ARHGAP15: variants seen among roughly 807,000 people sequenced by gnomAD.
ARHGAP15 encodes the protein rho GTPase-activating protein 15.
In ARHGAP15, 51 loss-of-function variants were observed where a neutral mutation model predicts 63.7. The ratio of observed to expected loss-of-function variants is 0.80; its 90% CI spans 0.64 to 1.01. ARHGAP15 has a LOEUF of 1.01. Ranked by LOEUF, ARHGAP15 falls within the 50% of genes least tolerant of loss-of-function variation. The pLI, the probability that ARHGAP15 is intolerant of heterozygous loss-of-function variation, is 0.00. For synonymous variants in ARHGAP15, 191 were observed against 193.8 expected (o/e 0.99, Z 0.12); for missense variants, 560 against 564.6 (o/e 0.99, Z 0.08).
chr2:143,421,766 G>GTATA lies in ARHGAP15; in HGVS notation c.475-13803_475-13800dup, dbSNP rs59677710. ...ATATAAATGAACATATGCACATGGT[G>GTATA]TATATATATATATATATATATATAT... is the stretch of plus-strand genomic sequence containing the variant. On this transcript the variant is annotated intron_variant, in intron 6 of 13. Transcript: ENST00000295095. 3.6e-3 allele frequency among the ~76,000 whole-genome samples: 397 copies of GTATA among 108,844 alleles called. 3 individuals carry two copies. The highest frequency in any genetic ancestry group is 5.5e-3 in the South Asian group (16 of 2,918). 71.4% of individuals were successfully genotyped at this position (108,844 alleles called of 152,430 possible).
intron 13 of ARHGAP15, among the ~76,000 whole-genome samples, chr2:143,754,878 T>A (rs1020813573): frequency 6.6e-6 from 1 of 152,174 alleles, no homozygotes; most frequent in Non-Finnish European, 1.5e-5. Context: ...CTTTTGAAAC[T>A]CAAAAACACA....
intron 11 of ARHGAP15, among the ~76,000 whole-genome samples, chr2:143,572,337 A>G (rs1214057763): frequency 6.6e-6 from 1 of 152,106 alleles, no homozygotes. Context: ...TGACACCTGT[A>G]AGACACTGAG....
At chr2:143,460,455 T>A (rs181634604) in intron 8 of ARHGAP15, among the ~76,000 whole-genome samples, 18 of 152,298 alleles carry the variant, frequency 1.2e-4, no homozygotes, top group Admixed American at 3.3e-4. Flanking sequence ...TATATATATA[T>A]CTAGACACTG....
intron 11 of ARHGAP15, among the ~76,000 whole-genome samples, chr2:143,593,604 TA>T (rs1260694850): frequency 1.3e-5 from 2 of 152,232 alleles, no homozygotes; most frequent in Non-Finnish European, 2.9e-5. Flanking sequence ...AGCTCTTTCA[TA>T]ATACTGCATT....
intron 6 of ARHGAP15, among the ~76,000 whole-genome samples, chr2:143,349,318 C>T (rs1685454199): frequency 6.6e-6 from 1 of 152,166 alleles, no homozygotes; most frequent in Admixed American, 6.5e-5. Context: ...GTCTATTTAA[C>T]AGGCATGGGA....
chr2:143,643,113 T>C (rs1278652000), intron 12 of ARHGAP15, among the ~76,000 whole-genome samples: 1 of 152,040 alleles, frequency 6.6e-6, no homozygotes, highest in Non-Finnish European at 1.5e-5. Flanking sequence ...GCAGGGAAAC[T>C]CCATTAAAGA....
chr2:143,166,585 C>G (rs112270500), intron 2 of ARHGAP15, among the ~76,000 whole-genome samples: 1 of 152,072 alleles, frequency 6.6e-6, no homozygotes, highest in African/African-American at 2.4e-5. Context: ...CTCATTGCCA[C>G]TGCCACCACC....
intron 2 of ARHGAP15, among the ~76,000 whole-genome samples, chr2:143,164,940 A>C (rs896254819): frequency 1.3e-5 from 2 of 152,078 alleles, no homozygotes; most frequent in African/African-American, 2.4e-5. Context: ...TTTGGAAATT[A>C]TAAAACAAAA....
chr2:143,421,895 G>A (rs1161364185), intron 6 of ARHGAP15, among the ~76,000 whole-genome samples: 2 of 151,468 alleles, frequency 1.3e-5, no homozygotes, highest in African/African-American at 2.4e-5. Context: ...GAGAGAAAGA[G>A]AAAGGGGGGG....
chr2:143,317,219 AC>A (rs777007774), intron 6 of ARHGAP15, among the ~76,000 whole-genome samples: 6,843 of 152,250 alleles, frequency 0.045, no homozygotes, highest in Non-Finnish European at 0.066. Context: ...CTATAAGAGT[AC>A]CAGATAAAAA....
At chr2:143,725,866 T>G (rs1685249624) in intron 13 of ARHGAP15, among the ~76,000 whole-genome samples, 1 of 152,088 alleles carries the variant, frequency 6.6e-6, no homozygotes, top group Admixed American at 6.5e-5. Context: ...AAATGATTTT[T>G]CCCCCTATAA....
At chr2:143,592,490 T>G (rs1241680457) in intron 11 of ARHGAP15, among the ~76,000 whole-genome samples, 1 of 152,208 alleles carries the variant, frequency 6.6e-6, no homozygotes, top group African/African-American at 2.4e-5. Context: ...TTCCTTCCCA[T>G]TAGTTTCAAT....
intron 1 of ARHGAP15, among the ~76,000 whole-genome samples, chr2:143,154,919 G>T (rs561405334): frequency 6.6e-6 from 1 of 152,000 alleles, no homozygotes; most frequent in East Asian, 1.9e-4. Context: ...ATCTAGTTCA[G>T]TTGGCAGATG....
At chr2:143,297,159 ACT>A (rs1172306186) in intron 6 of ARHGAP15, among the ~76,000 whole-genome samples, 2 of 151,960 alleles carry the variant, frequency 1.3e-5, no homozygotes, top group Non-Finnish European at 2.9e-5. Flanking sequence ...AGTAAGAGCA[ACT>A]CTGACAATTA....
intron 13 of ARHGAP15, among the ~76,000 whole-genome samples, chr2:143,735,712 T>A (rs13403976): frequency 6.6e-6 from 1 of 151,960 alleles, no homozygotes; most frequent in Non-Finnish European, 1.5e-5. Context: ...GAAGCAGTTT[T>A]CCCCAAAGAT....
intron 3 of ARHGAP15, among the ~76,000 whole-genome samples, chr2:143,208,716 A>G (rs1158042715): frequency 6.6e-6 from 1 of 152,172 alleles, no homozygotes; most frequent in Non-Finnish European, 1.5e-5. Context: ...TGTATATTCT[A>G]TATTATAACT....
intron 13 of ARHGAP15, among the ~76,000 whole-genome samples, chr2:143,729,188 A>G (rs949271788): frequency 1.3e-5 from 2 of 152,258 alleles, no homozygotes; most frequent in Admixed American, 1.3e-4. Flanking sequence ...CCCAAGCAAG[A>G]ACAAAGCAAG....
intron 11 of ARHGAP15, among the ~76,000 whole-genome samples, chr2:143,584,778 T>C (rs1697044913): frequency 6.6e-6 from 1 of 152,230 alleles, no homozygotes; most frequent in African/African-American, 2.4e-5. Flanking sequence ...AGTTTGGCCA[T>C]TATGTTTGCA....
intron 12 of ARHGAP15, among the ~76,000 whole-genome samples, chr2:143,701,516 T>C (rs1334893749): frequency 6.6e-6 from 1 of 152,162 alleles, no homozygotes; most frequent in African/African-American, 2.4e-5. Flanking sequence ...GAATGATTGC[T>C]TGAGCCCTGG....
Sources: gnomAD v4.1 joint callset for allele counts (sites outside exome capture counted in the v4.1 genomes callset) on GRCh38, gnomAD v4.1.1 for gene constraint, MANE v1.5 for transcripts, NCBI Gene and HGNC (gene_info 2026-07-23, HGNC 2026-07-21) for gene names.